The following CLEC6A variants were observed in gnomAD, a reference collection of about 807,000 sequenced individuals.
CLEC6A encodes the protein C-type lectin domain containing 6A, also known as C-type lectin domain family 6 member A.
A neutral mutation model predicts 25.7 loss-of-function variants in CLEC6A; 22 were observed. The ratio of observed to expected loss-of-function variants is 0.85; its 90% CI spans 0.61 to 1.22. The LOEUF is 1.22. Ranked by LOEUF, CLEC6A falls within the 50% of genes most tolerant of loss-of-function variation. The pLI is 0.00. For missense variants in CLEC6A, 240 were observed against 236.8 expected (o/e 1.01, Z -0.09); for synonymous variants, 92 against 76.7 (o/e 1.20, Z -1.04).
At chr12:8,474,548 C>A (rs116068111) in intron 4 of CLEC6A, among the ~76,000 whole-genome samples, 2,082 of 152,110 alleles carry the variant, frequency 0.014, 31 homozygotes, top group Middle Eastern at 0.031. Flanking sequence ...TTTAAAAATA[C>A]AAATTAATAC....
In CLEC6A at chr12:8,476,181, C is replaced by T; in HGVS notation, c.426C>T (p.Asp142=). The part of the protein sequence containing the change: ...ESFSYFLGLS[D]PQGNNNWQWI... ...TTTCTTATTTTCTGGGGCTTTCAGA[C>T]CCACAAGGTAATAATAATTGGCAAT... The change falls in exon 5 of 6, where the codon GAC becomes GAT. Residue 142 remains aspartate, a synonymous_variant. Transcript: ENST00000382073. 1 of 1,610,244 alleles carries T rather than the reference C, an allele frequency of 6.2e-7. No individual in the cohort carries two copies. Among genetic ancestry groups the T allele is most frequent in the Non-Finnish European group, 8.5e-7 (1 of 1,179,078 alleles).
Position 8,456,107 on chromosome 12 carries a change from G to A in CLEC6A, c.-5G>A, listed in dbSNP as rs962824237. 6.2e-7 allele frequency: 1 copy of A among 1,613,746 alleles called. No individual in the cohort carries two copies. The highest frequency in any genetic ancestry group is 2.2e-5 in the East Asian group (1 of 44,858). ...TGGACCTTCTCAACACAGGGAGCCT[G>A]CATAATGATGCAAGAGCAGCAACCT... is the stretch of plus-strand genomic sequence containing the variant. On this transcript the variant is annotated 5_prime_UTR_variant, in exon 1 of 6. Transcript: ENST00000382073.
At chr12:8,457,149 T>C (rs1352872892) in intron 1 of CLEC6A, among the ~76,000 whole-genome samples, 1 of 152,138 alleles carries the variant, frequency 6.6e-6, no homozygotes, top group East Asian at 1.9e-4. Flanking sequence ...CCTGCTGTGC[T>C]AAGGGACACT....
intron 1 of CLEC6A, among the ~76,000 whole-genome samples, chr12:8,457,551 T>G (rs1009745545): frequency 1.3e-5 from 2 of 152,222 alleles, no homozygotes; most frequent in African/African-American, 4.8e-5. Context: ...TGCAGATATC[T>G]CTTGGATATA....
At chr12:8,458,125 C>T (rs1232546424) in intron 2 of CLEC6A, 138 bp downstream of exon 2, 1 of 597,254 alleles carries the variant, frequency 1.7e-6, no homozygotes, top group African/African-American at 1.9e-5. Context: ...TTGATTTCTC[C>T]TTTTCCCTTT....
At chr12:8,475,849 C>T (rs1384085516) in intron 4 of CLEC6A, among the ~76,000 whole-genome samples, 2 of 152,040 alleles carry the variant, frequency 1.3e-5, no homozygotes, top group East Asian at 1.9e-4. Flanking sequence ...AGATTGAAAA[C>T]ACAAAACTAA....
At chr12:8,458,011 T>A in intron 2 of CLEC6A, 24 bp downstream of exon 2, 3 of 1,525,924 alleles carry the variant, frequency 2.0e-6, no homozygotes, top group Non-Finnish European at 2.7e-6. Flanking sequence ...TGAGGTGCAT[T>A]TTCCTTGCTT....
intron 4 of CLEC6A, among the ~76,000 whole-genome samples, chr12:8,467,969 G>A (rs1296701564): frequency 6.6e-6 from 1 of 151,796 alleles, no homozygotes; most frequent in Non-Finnish European, 1.5e-5. Flanking sequence ...CCAAGACGGA[G>A]TTTTGCTCTG....
intron 3 of CLEC6A, among the ~76,000 whole-genome samples, chr12:8,462,892 C>T (rs1277403993): frequency 6.6e-6 from 1 of 152,200 alleles, no homozygotes; most frequent in African/African-American, 2.4e-5. Context: ...GGGCAACCCA[C>T]CCCTTCATAA....
At position 8,477,364 on chromosome 12, in the gene CLEC6A, C is replaced by T. The variant is rs771849227; in HGVS notation, c.530C>T (p.Ala177Val). ...GEPNHSAEQC[A>V]SIVFWKPTGW... The stretch of plus-strand genomic sequence containing the variant: ...CCCAATCATTCTGCAGAGCAATGTG[C>T]TTCAATAGTCTTCTGGAAACCTACA... The change falls in exon 6 of 6, where the codon GCT becomes GTT. Residue 177 changes from alanine to valine, a missense_variant. Physicochemically the swap from Ala to Val is moderately conservative, Grantham distance 64. Coordinates refer to ENST00000382073, the MANE Select transcript of CLEC6A (RefSeq NM_001007033.2). 6.2e-7 allele frequency: 1 copy of T among 1,612,348 alleles called. No homozygotes were observed. Among genetic ancestry groups the T allele is most frequent in the South Asian group, 1.1e-5 (1 of 90,962 alleles).
chr12:8,462,283 A>G (rs1421059800), intron 3 of CLEC6A, among the ~76,000 whole-genome samples: 1 of 146,470 alleles, frequency 6.8e-6, no homozygotes, highest in Non-Finnish European at 1.5e-5. Context: ...GTTTCTCCCC[A>G]TGTGATAGTC....
chr12:8,477,356 G>A lies in CLEC6A; in HGVS notation c.522G>A (p.Glu174=). The stretch of plus-strand genomic sequence containing the variant: ...TAGGTGAGCCCAATCATTCTGCAGA[G>A]CAATGTGCTTCAATAGTCTTCTGGA... The part of the protein sequence containing the change: ...WHLGEPNHSA[E]QCASIVFWKP... Residue 174 remains glutamate, a synonymous_variant, in exon 6 of 6, where the codon GAG becomes GAA. Transcript: ENST00000382073. 2 of 1,612,210 alleles carry A rather than the reference G, an allele frequency of 1.2e-6. No homozygotes were observed. Among genetic ancestry groups the A allele is most frequent in the Non-Finnish European group, 1.7e-6 (2 of 1,178,732 alleles).
At chr12:8,457,843 A>G (rs1939697474) in intron 1 of CLEC6A, 55 bp from the exon 2 acceptor site, 8 of 1,295,064 alleles carry the variant, frequency 6.2e-6, no homozygotes, top group Non-Finnish European at 7.9e-6. Context: ...CTTCCTGGGG[A>G]TTTTGGCTCC....
Position 8,465,483 on chromosome 12 carries a change from G to C in CLEC6A, c.224-1G>C. ...TTTTTTTTCATGTAACACAAAAATA[G>C]CCTGGGGATGTTGCCCAGCTTCTTG... On this transcript the variant is annotated splice_acceptor_variant, in intron 3 of 5. Coordinates refer to ENST00000382073, the MANE Select transcript of CLEC6A (RefSeq NM_001007033.2). LOFTEE classifies it high-confidence loss of function. 2 of 1,613,408 alleles carry C rather than the reference G, an allele frequency of 1.2e-6. No individual in the cohort carries two copies. The highest frequency in any genetic ancestry group is 1.7e-6 in the Non-Finnish European group (2 of 1,179,768).
intron 4 of CLEC6A, among the ~76,000 whole-genome samples, chr12:8,466,542 T>C (rs1253054498): frequency 2.0e-5 from 3 of 152,290 alleles, no homozygotes; most frequent in Admixed American, 2.0e-4. Flanking sequence ...TGGTCAACAC[T>C]TGTTATTTTC....
At chr12:8,467,019 T>C (rs1170508954) in intron 4 of CLEC6A, among the ~76,000 whole-genome samples, 2 of 152,212 alleles carry the variant, frequency 1.3e-5, no homozygotes, top group African/African-American at 4.8e-5. Flanking sequence ...TTCAAGTCCT[T>C]TGCCCTCTTT....
Position 8,477,482 on chromosome 12 carries a change from AAGAAG to A in CLEC6A, c.*25_*29del. Reference sequence around the variant, plus strand: ...ACCTATGAGTAGAAGCTTAATTGGAAAGAAGAGAAGAATTACTGACGTAATTTTTT... The same window carrying A: ...ACCTATGAGTAGAAGCTTAATTGGAAAGAAGAATTACTGACGTAATTTTTT... On this transcript the variant is annotated 3_prime_UTR_variant, in exon 6 of 6. Coordinates refer to ENST00000382073, the MANE Select transcript of CLEC6A (RefSeq NM_001007033.2). 6.4e-7 allele frequency: 1 copy of A among 1,570,948 alleles called. No individual in the cohort carries two copies. The highest frequency in any genetic ancestry group is 2.3e-5 in the East Asian group (1 of 43,962).
At chr12:8,461,730 A>G (rs1939757271) in intron 3 of CLEC6A, among the ~76,000 whole-genome samples, 1 of 152,228 alleles carries the variant, frequency 6.6e-6, no homozygotes, top group African/African-American at 2.4e-5. Context: ...AACGTTAAAA[A>G]ATAATTGAAA....
chr12:8,460,814 T>A (rs968525620), intron 3 of CLEC6A: 15 of 1,199,680 alleles, frequency 1.3e-5, no homozygotes, highest in Admixed American at 1.7e-5. Context: ...AGGATTCGTG[T>A]TAGCCCTGGT....
Sources: allele counts gnomAD v4.1 joint callset (sites outside exome capture counted in the v4.1 genomes callset), GRCh38; gene constraint gnomAD v4.1.1; transcripts MANE v1.5; gene names NCBI Gene and HGNC (gene_info 2026-07-23, HGNC 2026-07-21).